Variants in PIK3CG observed in about 807,000 individuals in gnomAD.
PIK3CG encodes phosphatidylinositol-4,5-bisphosphate 3-kinase catalytic subunit gamma.
Under a neutral mutation model 102.3 loss-of-function variants are expected in PIK3CG, and 55 were observed. The ratio of observed to expected loss-of-function variants is 0.54; its 90% confidence interval spans 0.43 to 0.67. The LOEUF is 0.67. Among genes scored for constraint, PIK3CG ranks in the 30% least tolerant of loss-of-function variants. The probability of loss-of-function intolerance (pLI) is 0.00; values close to 1 mark genes in which losing one functional copy is unlikely to be tolerated. For synonymous variants in PIK3CG, 552 were observed against 540.0 expected (o/e 1.02, Z -0.31); for missense variants, 1,258 against 1,391.8 (o/e 0.90, Z 1.53).
Position 106,895,060 on chromosome 7 carries a change from A to G in PIK3CG, c.3030+8768A>G, listed in dbSNP as rs181622487. ...AGAGCAGATGTACTACGTAGGCTCA[A>G]TCTATTTATTAGCTACTAATGGAGA... On this transcript the variant is annotated intron_variant, in intron 10 of 10. Transcript: ENST00000496166. The surrounding 1 kb of genome is among the most constrained non-coding windows in gnomAD (Gnocchi z 5.4). 1.3e-5 allele frequency among the ~76,000 whole-genome samples: 2 copies of G among 152,342 alleles called. No individual in the cohort carries two copies. The highest frequency in any genetic ancestry group is 2.1e-4 in the South Asian group (1 of 4,830).
intron 10 of PIK3CG, among the ~76,000 whole-genome samples, chr7:106,900,067 C>G (rs1354296433): frequency 2.0e-5 from 3 of 152,046 alleles, no homozygotes; most frequent in Non-Finnish European, 2.9e-5. Flanking sequence ...TCAGTTTCTT[C>G]CTGGCTCAGT....
In PIK3CG at chr7:106,884,501, A is replaced by C. The variant is rs1219105109; in HGVS notation, c.2872+235A>C. Among the ~76,000 whole-genome samples the C allele has an allele frequency of 6.6e-6, 1 of 152,178 alleles. No homozygotes were observed. The highest frequency in any genetic ancestry group is 1.5e-5 in the Non-Finnish European group (1 of 68,030). ...TGCCTCCCTCCTTTCAGAACGGAGT[A>C]GTCTTTAAATGGAGTTTAAGACTGG... On this transcript the variant is annotated intron_variant, in intron 9 of 10. Coordinates refer to ENST00000496166, the MANE Select transcript of PIK3CG (RefSeq NM_001282426.2). This position sits in a 1 kb window ranked among gnomAD's most constrained non-coding sequence, Gnocchi z 4.2.
At position 106,872,517 on chromosome 7, in the gene PIK3CG, C is replaced by T. The variant is rs2116481253; in HGVS notation, c.1996-20C>T. 6.2e-7 allele frequency: 1 copy of T among 1,601,442 alleles called. No homozygotes were observed. The highest frequency in any genetic ancestry group is 8.6e-7 in the Non-Finnish European group (1 of 1,168,400). On this transcript the variant is annotated intron_variant, in intron 2 of 10. Coordinates refer to ENST00000496166, the MANE Select transcript of PIK3CG (RefSeq NM_001282426.2). This position sits in a 1 kb window ranked among gnomAD's most constrained non-coding sequence, Gnocchi z 5.3. ...GACATAGAGTACAGTCCTACAAATG[C>T]CAATGTGTTCTTCCTTTAGGCTGTG...
chr7:106,882,813 G>T (rs1327748453), intron 7 of PIK3CG: 2 of 436,888 alleles, frequency 4.6e-6, no homozygotes, highest in Admixed American at 3.7e-5. Flanking sequence ...TTGTCATTCT[G>T]GGATATTGAA....
intron 10 of PIK3CG, among the ~76,000 whole-genome samples, chr7:106,900,675 G>T: frequency 6.6e-6 from 1 of 152,146 alleles, no homozygotes; most frequent in East Asian, 1.9e-4. Context: ...GTTTAAGTGT[G>T]GTTTTGTATT....
Position 106,867,479 on chromosome 7 carries a change from C to T in PIK3CG, c.-12-71C>T, listed in dbSNP as rs1790326974. On this transcript the variant is annotated intron_variant, in intron 1 of 10. Coordinates refer to ENST00000496166, the MANE Select transcript of PIK3CG (RefSeq NM_001282426.2). The surrounding 1 kb of genome is among the most constrained non-coding windows in gnomAD (Gnocchi z 5.1). ...GTACGCCGCCTATACCTCCTCTTCCCTCATCTCACCAGAAAATATAAGGGG... is the reference window on the plus strand; with the variant it reads ...GTACGCCGCCTATACCTCCTCTTCCTTCATCTCACCAGAAAATATAAGGGG... The T allele has an allele frequency of 7.2e-7, 1 of 1,395,108 alleles. No homozygotes were observed. The highest frequency in any genetic ancestry group is 2.3e-5 in the East Asian group (1 of 43,444). The allele number at this position is 1,395,108 out of a possible 1,614,324, so 86.4% of individuals were successfully genotyped here. A position where few individuals can be genotyped will look rare whatever the true frequency, so the allele number is the denominator to read the frequency against.
intron 10 of PIK3CG, among the ~76,000 whole-genome samples, chr7:106,887,933 CTT>C (rs71156344): frequency 1.8e-3 from 112 of 60,590 alleles, no homozygotes; most frequent in African/African-American, 5.0e-3. Context: ...GACGACTCTC[CTT>C]TTTTTTTTTT....
chr7:106,866,687 G>A (rs190708150), intron 1 of PIK3CG, among the ~76,000 whole-genome samples: 13 of 152,234 alleles, frequency 8.5e-5, no homozygotes, highest in Non-Finnish European at 1.3e-4. Context: ...AGCCTTGGGT[G>A]ACTCTTCTAA....
intron 10 of PIK3CG, among the ~76,000 whole-genome samples, chr7:106,904,149 C>T (rs921005320): frequency 1.3e-5 from 2 of 152,024 alleles, no homozygotes; most frequent in Admixed American, 1.3e-4. Context: ...TTCACATTGT[C>T]ATATTTTAAT....
At position 106,869,483 on chromosome 7, in the gene PIK3CG, G is replaced by A. The variant is rs1224222532; in HGVS notation, c.1922G>A (p.Arg641Lys). 1 of 1,614,236 alleles carries A rather than the reference G, an allele frequency of 6.2e-7. No individual in the cohort carries two copies. Among genetic ancestry groups the A allele is most frequent in the Non-Finnish European group, 8.5e-7 (1 of 1,180,040 alleles). Residue 641 changes from arginine to lysine, a missense_variant, in exon 2 of 11, where the codon AGA becomes AAA. Physicochemically the swap from Arg to Lys is conservative, Grantham distance 26. Coordinates refer to ENST00000496166, the MANE Select transcript of PIK3CG (RefSeq NM_001282426.2). This position sits in a 1 kb window ranked among gnomAD's most constrained non-coding sequence, Gnocchi z 5.3. ...LDCNFSDENV[R>K]AIAVQKLESL... is the part of the protein sequence containing the mutation. ...TGCAACTTCTCAGATGAAAATGTAA[G>A]AGCCATTGCAGTTCAGAAACTGGAG... is the stretch of plus-strand genomic sequence containing the variant.
rs540217447 is a variant in PIK3CG at position 106,907,193 on chromosome 7, G to A, written c.*1806G>A. The A allele has an allele frequency of 5.9e-6, 1 of 170,160 alleles. No homozygotes were observed. Among genetic ancestry groups the A allele is most frequent in the Admixed American group, 6.4e-5 (1 of 15,700 alleles). The allele number at this position is 170,160 out of a possible 1,614,324, so 10.5% of individuals were successfully genotyped here. On this transcript the variant is annotated 3_prime_UTR_variant, in exon 11 of 11. Coordinates refer to ENST00000496166, the MANE Select transcript of PIK3CG (RefSeq NM_001282426.2). ...CCAGGTTATAATTTAATTACTGTGG[G>A]ATGAGACCCAGACATCAATATTTTT...
Position 106,882,175 on chromosome 7 carries a change from C to T in PIK3CG, c.2597C>T (p.Pro866Leu). ...ETESLDLCLL[P>L]YGCISTGDKI... ...GAATCTTTGGATCTATGCCTCCTGC[C>T]ATATGGTTGCATTTCAACTGGTGAC... is the stretch of plus-strand genomic sequence containing the variant. Residue 866 changes from proline (P) to leucine (L), a missense_variant, in exon 7 of 11, where the codon CCA becomes CTA. Transcript: ENST00000496166. 2 of 1,577,464 alleles carry T rather than the reference C, an allele frequency of 1.3e-6. No homozygotes were observed. Among genetic ancestry groups the T allele is most frequent in the South Asian group, 1.2e-5 (1 of 85,728 alleles).
Position 106,872,628 on chromosome 7 carries a change from C to T in PIK3CG, c.2061+26C>T, listed in dbSNP as rs533942080. On this transcript the variant is annotated intron_variant, in intron 3 of 10. Coordinates refer to ENST00000496166, the MANE Select transcript of PIK3CG (RefSeq NM_001282426.2). This position sits in a 1 kb window ranked among gnomAD's most constrained non-coding sequence, Gnocchi z 5.3. ...GTAAGTACTTCCATTTTGATAATAG[C>T]GTGAAATTTTAAGTTGCCAAGAATT... The T allele has an allele frequency of 1.4e-5, 22 of 1,607,432 alleles. No individual in the cohort carries two copies. Among genetic ancestry groups the T allele is most frequent in the Middle Eastern group, 1.7e-4 (1 of 6,050 alleles).
rs2116444592 is a variant in PIK3CG, at chr7:106,868,594, G to A, written c.1033G>A (p.Asp345Asn). 3 of 1,614,212 alleles carry A rather than the reference G, an allele frequency of 1.9e-6. No homozygotes were observed. The highest frequency in any genetic ancestry group is 2.5e-6 in the Non-Finnish European group (3 of 1,180,048). ...TGAGCAGCTTACCATCCACGGCAAG[G>A]ACCACGAGAGTGTGTTCACCGTGTC... ...YHEQLTIHGK[D>N]HESVFTVSLW... is the part of the protein sequence containing the mutation. Residue 345 changes from aspartate to asparagine, a missense_variant, in exon 2 of 11, where the codon GAC becomes AAC. Asp to Asn is a conservative substitution (Grantham distance 23). Transcript: ENST00000496166. This position sits in a 1 kb window ranked among gnomAD's most constrained non-coding sequence, Gnocchi z 6.2.
Position 106,892,206 on chromosome 7 carries a change from A to C in PIK3CG, c.3030+5914A>C, listed in dbSNP as rs74424086. ...TTCTTCCAAGGGCTGCAGCCATCTCAGCATCATTTCCGGTCACTATTCTCT... is the reference window on the plus strand; with the variant it reads ...TTCTTCCAAGGGCTGCAGCCATCTCCGCATCATTTCCGGTCACTATTCTCT... On this transcript the variant is annotated intron_variant, in intron 10 of 10. Transcript: ENST00000496166. This position sits in a 1 kb window ranked among gnomAD's most constrained non-coding sequence, Gnocchi z 5.2. Among the ~76,000 whole-genome samples the C allele has an allele frequency of 0.038, 5,784 of 151,554 alleles. 205 individuals are homozygous for C. The highest frequency in any genetic ancestry group is 0.092 in the Middle Eastern group (27 of 292).
At chr7:106,882,984 C>G (rs1790987654) in intron 7 of PIK3CG, 49 bp from the exon 8 acceptor site, 1 of 1,570,976 alleles carries the variant, frequency 6.4e-7, no homozygotes, top group Non-Finnish European at 8.7e-7. Flanking sequence ...CTCCTCTGGG[C>G]CAGGTACTGG....
rs1285682080 is a variant in PIK3CG, at chr7:106,869,018, A to C, written c.1457A>C (p.Gln486Pro). 3.1e-6 allele frequency: 5 copies of C among 1,614,066 alleles called. No individual in the cohort carries two copies. Residue 486 changes from glutamine (Q) to proline (P), a missense_variant, in exon 2 of 11, where the codon CAG becomes CCG. Transcript: ENST00000496166. This position sits in a 1 kb window ranked among gnomAD's most constrained non-coding sequence, Gnocchi z 5.3. ...RRGEYVLHMW[Q>P]ISGKGEDQGS... The stretch of plus-strand genomic sequence containing the variant: ...GGAGAATACGTCCTCCACATGTGGC[A>C]GATATCTGGGAAGGGAGAAGACCAA...
At chr7:106,882,237 C>A (rs1790963439) in intron 7 of PIK3CG, 30 bp downstream of exon 7, 4 of 1,041,216 alleles carry the variant, frequency 3.8e-6, no homozygotes, top group Admixed American at 4.6e-5. Flanking sequence ...GATGAATAGA[C>A]CTCTCAGCTC....
chr7:106,906,293 A>G lies in PIK3CG; in HGVS notation c.*906A>G, dbSNP rs188446364. 1.1e-4 allele frequency: 25 copies of G among 229,482 alleles called. No homozygotes were observed. The highest frequency in any genetic ancestry group is 1.3e-3 in the Middle Eastern group (1 of 764). The allele number at this position is 229,482 out of a possible 1,614,324, so 14.2% of individuals were successfully genotyped here. On this transcript the variant is annotated 3_prime_UTR_variant, in exon 11 of 11. Transcript: ENST00000496166. Reference sequence around the variant, plus strand: ...TAACTCAAAAATTAGTTGAAAAATAATTACTTCTCAAGGATTATTAGAATC... The same window carrying G: ...TAACTCAAAAATTAGTTGAAAAATAGTTACTTCTCAAGGATTATTAGAATC...
Sources: gnomAD v4.1 joint callset for allele counts (sites outside exome capture counted in the v4.1 genomes callset) on GRCh38, gnomAD v4.1.1 for gene constraint, Gnocchi (gnomAD v3.1) non-coding constraint, MANE v1.5 for transcripts, NCBI Gene and HGNC (gene_info 2026-07-23, HGNC 2026-07-21) for gene names.